The following CADPS2 variants were observed in gnomAD, a reference collection of about 807,000 sequenced individuals.
The protein encoded by CADPS2 is calcium dependent secretion activator 2.
CADPS2 carries 93 observed loss-of-function variants against 172.5 expected under a neutral mutation model. The observed-to-expected ratio is 0.54, with a 90% CI of 0.46 to 0.64. The LOEUF is 0.64. CADPS2 is among the 30% of genes least tolerant of loss of function. CADPS2 has a pLI of 0.00. For missense variants in CADPS2, 1,420 were observed against 1,565.9 expected, an observed-to-expected ratio of 0.91 and a Z score of 1.57; for synonymous variants, 546 against 555.2, an observed-to-expected ratio of 0.98 and a Z score of 0.23.
Position 122,619,116 on chromosome 7 carries a change from T to C in CADPS2, c.1104+2365A>G, listed in dbSNP as rs564024294. ...AAGCACAGAATAACAATTCATAATT[T>C]CACTTAAACATTGACTCAGCAGCCT... On this transcript the variant is annotated intron_variant, in intron 5 of 29. Transcript: ENST00000449022. Among the ~76,000 whole-genome samples, 7 of 152,292 alleles carry C rather than the reference T, an allele frequency of 4.6e-5. 1 individual carries two copies. The highest frequency in any genetic ancestry group is 1.7e-4 in the African/African-American group (7 of 41,570).
chr7:122,737,409 A>G (rs2092234406), intron 1 of CADPS2, among the ~76,000 whole-genome samples: 1 of 152,094 alleles, frequency 6.6e-6, no homozygotes, highest in Non-Finnish European at 1.5e-5. Context: ...TTTTTAGTAG[A>G]GATGTTGGCC....
intron 24 of CADPS2, among the ~76,000 whole-genome samples, chr7:122,385,831 T>C (rs893149612): frequency 5.9e-5 from 9 of 152,050 alleles, no homozygotes; most frequent in African/African-American, 1.7e-4. Flanking sequence ...ACTTTGGGTG[T>C]GGCCTCCTGG....
intron 8 of CADPS2, among the ~76,000 whole-genome samples, chr7:122,529,793 G>C (rs1009771013): frequency 1.3e-5 from 2 of 151,974 alleles, no homozygotes; most frequent in African/African-American, 4.8e-5. Flanking sequence ...TACATTCCTG[G>C]GTATGAGGTT....
chr7:122,501,829 C>T (rs537935409), intron 9 of CADPS2, among the ~76,000 whole-genome samples: 55 of 144,024 alleles, frequency 3.8e-4, no homozygotes, highest in Admixed American at 1.3e-3. Flanking sequence ...GAGCTGAGAT[C>T]GCACCACTGC....
At chr7:122,819,016 C>T (rs1350422623) in intron 1 of CADPS2, among the ~76,000 whole-genome samples, 1 of 152,294 alleles carries the variant, frequency 6.6e-6, no homozygotes, top group East Asian at 1.9e-4. Context: ...TCAAACCCCA[C>T]AACAGGATTT....
chr7:122,615,981 G>A (rs1225299464), intron 5 of CADPS2, among the ~76,000 whole-genome samples: 12 of 152,004 alleles, frequency 7.9e-5, no homozygotes, highest in Admixed American at 5.9e-4. Context: ...ATTGCCTTAT[G>A]TACTTGTAAC....
At chr7:122,850,830 G>T (rs567196163) in intron 1 of CADPS2, among the ~76,000 whole-genome samples, 1 of 152,300 alleles carries the variant, frequency 6.6e-6, no homozygotes, top group African/African-American at 2.4e-5. Flanking sequence ...CTATGGCACT[G>T]GCATTGTCCC....
chr7:122,466,687 C>A (rs531797458), intron 14 of CADPS2, among the ~76,000 whole-genome samples: 2 of 152,252 alleles, frequency 1.3e-5, no homozygotes, highest in South Asian at 4.2e-4. Context: ...AATATTTCAT[C>A]GTTTAAAAAG....
At chr7:122,339,765 T>A (rs2036486052) in intron 28 of CADPS2, among the ~76,000 whole-genome samples, 1 of 152,058 alleles carries the variant, frequency 6.6e-6, no homozygotes, top group South Asian at 2.1e-4. Flanking sequence ...TGCACACCTG[T>A]TGTCCCAGCT....
At chr7:122,675,781 C>CA (rs1307801899) in intron 2 of CADPS2, among the ~76,000 whole-genome samples, 1 of 152,060 alleles carries the variant, frequency 6.6e-6, no homozygotes, top group Non-Finnish European at 1.5e-5. Context: ...AGAACACATG[C>CA]ACGCAGGGAG....
At position 122,476,684 on chromosome 7, in the gene CADPS2, G is replaced by A. The variant is rs1334631049; in HGVS notation, c.1862-2167C>T. On this transcript the variant is annotated intron_variant, in intron 12 of 29. Coordinates refer to ENST00000449022, the MANE Select transcript of CADPS2 (RefSeq NM_017954.11). The stretch of plus-strand genomic sequence containing the variant: ...GACTCTACTCGGAAAAAACAGACAG[G>A]CAAACAAACCCATTAAAATTTTTAT... 2.6e-5 allele frequency among the ~76,000 whole-genome samples: 4 copies of A among 151,948 alleles called. No homozygotes were observed. The East Asian group carries it at 5.8e-4, about 22-fold the overall frequency.
At chr7:122,723,939 A>T (rs1314654429) in intron 2 of CADPS2, among the ~76,000 whole-genome samples, 2 of 151,656 alleles carry the variant, frequency 1.3e-5, no homozygotes, top group Admixed American at 6.6e-5. Flanking sequence ...CAGAAATCCA[A>T]ACACCACATG....
At chr7:122,703,164 C>G (rs1376908292) in intron 2 of CADPS2, among the ~76,000 whole-genome samples, 1 of 152,076 alleles carries the variant, frequency 6.6e-6, no homozygotes, top group Non-Finnish European at 1.5e-5. Context: ...TTTTTTAAAG[C>G]CTTGGGTTTC....
rs1290528032 is a variant in CADPS2 at position 122,499,447 on chromosome 7, C to T, written c.1543-8027G>A. 1.3e-5 allele frequency among the ~76,000 whole-genome samples: 2 copies of T among 151,888 alleles called. 1 individual carries two copies. Among genetic ancestry groups the T allele is most frequent in the Admixed American group, 1.3e-4 (2 of 15,266 alleles). Reference sequence around the variant, plus strand: ...GGTCTCTAAAGTTTTTCTTTTTTTTCCTTCACTTGACCTACGTATTTAAAA... The same window carrying T: ...GGTCTCTAAAGTTTTTCTTTTTTTTTCTTCACTTGACCTACGTATTTAAAA... On this transcript the variant is annotated intron_variant, in intron 9 of 29. Coordinates refer to ENST00000449022, the MANE Select transcript of CADPS2 (RefSeq NM_017954.11).
At chr7:122,654,949 A>G (rs1056437824) in intron 3 of CADPS2, among the ~76,000 whole-genome samples, 1 of 152,212 alleles carries the variant, frequency 6.6e-6, no homozygotes, top group African/African-American at 2.4e-5. Flanking sequence ...GTTGATTCCA[A>G]TCCTCACAGA....
intron 1 of CADPS2, among the ~76,000 whole-genome samples, chr7:122,812,044 A>G (rs1212554782): frequency 6.6e-6 from 1 of 151,338 alleles, no homozygotes; most frequent in African/African-American, 2.4e-5. Flanking sequence ...TCACTCCTCT[A>G]TATTTCCTTT....
intron 8 of CADPS2, among the ~76,000 whole-genome samples, chr7:122,541,848 CAT>C (rs1383607380): frequency 5.7e-5 from 4 of 70,176 alleles, no homozygotes; most frequent in South Asian, 4.6e-4. Flanking sequence ...TTTATATATT[CAT>C]ATATATTTAT....
chr7:122,521,590 T>G (rs1182549769), intron 8 of CADPS2, among the ~76,000 whole-genome samples: 2 of 151,964 alleles, frequency 1.3e-5, no homozygotes, highest in African/African-American at 2.4e-5. Flanking sequence ...GGTTGGTTAT[T>G]ATAGGCTTGA....
chr7:122,341,733 G>A (rs1295310864), intron 28 of CADPS2, among the ~76,000 whole-genome samples: 1 of 152,124 alleles, frequency 6.6e-6, no homozygotes, highest in South Asian at 2.1e-4. Flanking sequence ...CTAAAAATAG[G>A]GATAAAATGG....
Sources: gnomAD v4.1 joint callset for allele counts (sites outside exome capture counted in the v4.1 genomes callset) on GRCh38, gnomAD v4.1.1 for gene constraint, MANE v1.5 for transcripts, NCBI Gene and HGNC (gene_info 2026-07-23, HGNC 2026-07-21) for gene names.